SLC9A8: variants seen among roughly 807,000 people sequenced by gnomAD.
SLC9A8 encodes sodium/hydrogen exchanger 8.
A neutral mutation model predicts 66.6 loss-of-function variants in SLC9A8; 48 were observed. The observed-to-expected ratio is 0.72, with a 90% CI of 0.57 to 0.92. SLC9A8 has a LOEUF of 0.92. Ranked by LOEUF, SLC9A8 falls within the 40% of genes least tolerant of loss-of-function variation. SLC9A8 has a pLI of 0.00. For synonymous variants in SLC9A8, 274 were observed against 282.6 expected (o/e 0.97, Z 0.31); for missense variants, 599 against 747.3 (o/e 0.80, Z 2.31).
intron 10 of SLC9A8, among the ~76,000 whole-genome samples, chr20:49,865,397 CTT>C (rs1235351163): frequency 6.6e-6 from 1 of 152,186 alleles, no homozygotes; most frequent in East Asian, 1.9e-4. Flanking sequence ...ATTGGACACA[CTT>C]TACCAGTATT....
At chr20:49,874,888 T>C (rs1264605681) in intron 11 of SLC9A8, 67 bp downstream of exon 11, 6 of 1,114,784 alleles carry the variant, frequency 5.4e-6, no homozygotes, top group African/African-American at 1.5e-5. Context: ...CTTATCCTGT[T>C]TGAGAAGTCA....
In SLC9A8 at chr20:49,884,282, C is replaced by CACACG. The variant is rs1555848393; in HGVS notation, c.1491+220_1491+221insGACAC. The stretch of plus-strand genomic sequence containing the variant: ...ACGACACACACACACACGACACACA[C>CACACG]ACACACGACACACACACACACACAC... On this transcript the variant is annotated intron_variant, in intron 14 of 15. Coordinates refer to ENST00000361573, the MANE Select transcript of SLC9A8 (RefSeq NM_015266.3). 204 of 302,488 alleles carry CACACG rather than the reference C, an allele frequency of 6.7e-4. 22 individuals carry two copies. The highest frequency in any genetic ancestry group is 2.6e-3 in the African/African-American group (57 of 21,964). The allele number at this position is 302,488 out of a possible 1,614,324, so 18.7% of individuals were successfully genotyped here.
At chr20:49,863,099 T>G in intron 9 of SLC9A8, 32 bp downstream of exon 9, 1 of 1,568,466 alleles carries the variant, frequency 6.4e-7, no homozygotes, top group Non-Finnish European at 8.7e-7. Context: ...CATGCAGGGT[T>G]AAAATTATTC....
intron 3 of SLC9A8, among the ~76,000 whole-genome samples, chr20:49,837,718 C>T (rs983700070): frequency 2.0e-5 from 3 of 152,014 alleles, no homozygotes; most frequent in Admixed American, 6.5e-5. Context: ...TAGAGGCGCC[C>T]GCCATGCCCG....
At position 49,823,122 on chromosome 20, in the gene SLC9A8, T is replaced by C. The variant is rs2086802023; in HGVS notation, c.270T>C (p.Ser90=). ...ACAGATTACATTTCTTGCCAGAGAG[T>C]GTTGCTGTTGTTTCTTTAGGTAAGT... is the stretch of plus-strand genomic sequence containing the variant. The part of the protein sequence containing the change: ...IRYRLHFLPE[S]VAVVSLGILM... The change falls in exon 3 of 16, where the codon AGT becomes AGC. Residue 90 remains serine, a synonymous_variant. Coordinates refer to ENST00000361573, the MANE Select transcript of SLC9A8 (RefSeq NM_015266.3). 6.2e-7 allele frequency: 1 copy of C among 1,611,914 alleles called. No individual in the cohort carries two copies. Among genetic ancestry groups the C allele is most frequent in the Non-Finnish European group, 8.5e-7 (1 of 1,178,860 alleles).
chr20:49,877,021 C>CT (rs1336501144), intron 11 of SLC9A8, among the ~76,000 whole-genome samples: 1 of 151,358 alleles, frequency 6.6e-6, no homozygotes, highest in African/African-American at 2.4e-5. Context: ...GGCGCGGTGG[C>CT]TTATGCTTGT....
intron 10 of SLC9A8, among the ~76,000 whole-genome samples, chr20:49,870,140 C>T (rs1419354594): frequency 6.6e-6 from 1 of 152,202 alleles, no homozygotes; most frequent in African/African-American, 2.4e-5. Context: ...CTCGCCCATT[C>T]AAGAAATACT....
intron 5 of SLC9A8, among the ~76,000 whole-genome samples, chr20:49,849,364 A>G (rs1280475375): frequency 6.6e-6 from 1 of 152,166 alleles, no homozygotes; most frequent in East Asian, 1.9e-4. Flanking sequence ...GAAGCTATGC[A>G]GTGTTTCAGA....
rs1239174039 is a variant in SLC9A8, at chr20:49,886,081, C to T, written c.1492-671C>T. On this transcript the variant is annotated intron_variant, in intron 14 of 15. Coordinates refer to ENST00000361573, the MANE Select transcript of SLC9A8 (RefSeq NM_015266.3). The surrounding 1 kb of genome is among the most constrained non-coding windows in gnomAD (Gnocchi z 4.8). ...AAATGCCCTCCCCTCCCCGGCCATC[C>T]TCTGCCCTCCCTGCACCTGCCCCGT... Among the ~76,000 whole-genome samples, 2 of 152,042 alleles carry T rather than the reference C, an allele frequency of 1.3e-5. No homozygotes were observed. Among genetic ancestry groups the T allele is most frequent in the Non-Finnish European group, 2.9e-5 (2 of 67,982 alleles).
At chr20:49,835,194 G>T (rs76105559) in intron 3 of SLC9A8, among the ~76,000 whole-genome samples, 31 of 85,780 alleles carry the variant, frequency 3.6e-4, no homozygotes, top group Admixed American at 1.6e-3. Context: ...GTCTGGGTTT[G>T]TTTTTTTTTT....
chr20:49,866,457 CTG>C (rs1183263806), intron 10 of SLC9A8, among the ~76,000 whole-genome samples: 1 of 152,166 alleles, frequency 6.6e-6, no homozygotes, highest in South Asian at 2.1e-4. Context: ...TTCGAAGTGA[CTG>C]TATCATTTTA....
chr20:49,855,611 T>C, intron 8 of SLC9A8, 30 bp downstream of exon 8: 1 of 1,606,198 alleles, frequency 6.2e-7, no homozygotes, highest in Non-Finnish European at 8.5e-7. Flanking sequence ...ACAGACTTTT[T>C]TCATGTGACA....
chr20:49,855,468 C>G lies in SLC9A8; in HGVS notation c.600C>G (p.Val200=). 1 of 1,614,172 alleles carries G rather than the reference C, an allele frequency of 6.2e-7. No individual in the cohort carries two copies. The highest frequency in any genetic ancestry group is 8.5e-7 in the Non-Finnish European group (1 of 1,180,008). ...CGTTTGGCTCCCTAATATCTGCTGTCGATCCAGTGGCCACTATTGCCATTT... is the reference window on the plus strand; with the variant it reads ...CGTTTGGCTCCCTAATATCTGCTGTGGATCCAGTGGCCACTATTGCCATTT... ...SFAFGSLISA[V]DPVATIAIFN... Residue 200 remains valine (V), a synonymous_variant, in exon 8 of 16, where the codon GTC becomes GTG. Coordinates refer to ENST00000361573, the MANE Select transcript of SLC9A8 (RefSeq NM_015266.3).
intron 3 of SLC9A8, among the ~76,000 whole-genome samples, chr20:49,838,892 G>A (rs2087649063): frequency 6.6e-6 from 1 of 152,194 alleles, no homozygotes; most frequent in South Asian, 2.1e-4. Context: ...TGAACCAACA[G>A]AGGGTTAAGA....
chr20:49,848,070 C>T (rs1326191584), intron 5 of SLC9A8, among the ~76,000 whole-genome samples: 1 of 151,758 alleles, frequency 6.6e-6, no homozygotes, highest in Non-Finnish European at 1.5e-5. Context: ...GGATTACAGG[C>T]GTCTATAACC....
chr20:49,829,827 C>G (rs2087096791), intron 3 of SLC9A8: 1 of 560,760 alleles, frequency 1.8e-6, no homozygotes. Flanking sequence ...AACAGCCTGT[C>G]TGAAGGAAAA....
intron 10 of SLC9A8, among the ~76,000 whole-genome samples, chr20:49,873,720 G>A (rs192543975): frequency 9.8e-4 from 128 of 130,600 alleles, no homozygotes; most frequent in Non-Finnish European, 1.6e-3. Context: ...GCAGTGAGTC[G>A]ATTTCACGCT....
chr20:49,858,638 G>C lies in SLC9A8; in HGVS notation c.713+3057G>C, dbSNP rs913785435. Among the ~76,000 whole-genome samples, 18 of 152,020 alleles carry C rather than the reference G, an allele frequency of 1.2e-4. 1 individual carries two copies. The highest frequency in any genetic ancestry group is 2.1e-4 in the South Asian group (1 of 4,816). The stretch of plus-strand genomic sequence containing the variant: ...GATGGAGTCATCGTTGGTAGCCAGA[G>C]GTTCTTACTGGAAAAGTGCTTTGGA... On this transcript the variant is annotated intron_variant, in intron 8 of 15. Transcript: ENST00000361573.
intron 6 of SLC9A8, among the ~76,000 whole-genome samples, chr20:49,850,315 C>T (rs1202620256): frequency 1.3e-5 from 2 of 152,242 alleles, no homozygotes; most frequent in African/African-American, 4.8e-5. Flanking sequence ...CATGTCCATG[C>T]ATGTCACATT....
Sources: allele counts gnomAD v4.1 joint callset (sites outside exome capture counted in the v4.1 genomes callset), GRCh38; gene constraint gnomAD v4.1.1; non-coding constraint Gnocchi (gnomAD v3.1); transcripts MANE v1.5; gene names NCBI Gene and HGNC (gene_info 2026-07-23, HGNC 2026-07-21).